Variants in USP31 observed in about 807,000 individuals in gnomAD.
USP31 encodes ubiquitin carboxyl-terminal hydrolase 31.
Under a neutral mutation model 119.4 loss-of-function variants are expected in USP31, and 44 were observed. That is an observed-to-expected ratio of 0.37 (90% CI 0.29 to 0.47). The LOEUF (loss-of-function observed/expected upper bound fraction) is 0.47. Among genes scored for constraint, USP31 ranks in the 20% least tolerant of loss-of-function variants. The pLI is 0.99. For synonymous variants in USP31, 749 were observed against 705.6 expected (o/e 1.06, Z -0.97); for missense variants, 1,643 against 1,730.2 (o/e 0.95, Z 0.89).
At chr16:23,100,647 C>T (rs1481319377) in intron 6 of USP31, among the ~76,000 whole-genome samples, 1 of 152,112 alleles carries the variant, frequency 6.6e-6, no homozygotes, top group African/African-American at 2.4e-5. Flanking sequence ...GTGGCATGCG[C>T]CTGTGATCCC....
intron 5 of USP31, among the ~76,000 whole-genome samples, chr16:23,103,252 T>C (rs1241194279): frequency 6.6e-6 from 1 of 152,166 alleles, no homozygotes; most frequent in Non-Finnish European, 1.5e-5. Context: ...CTTTCTCCCA[T>C]ATCATTTAAT....
chr16:23,128,726 C>T (rs531246585), intron 1 of USP31, among the ~76,000 whole-genome samples: 15 of 152,294 alleles, frequency 9.8e-5, no homozygotes, highest in African/African-American at 3.6e-4. Flanking sequence ...CTTGGCACCA[C>T]AAGAGATAAA....
intron 1 of USP31, among the ~76,000 whole-genome samples, chr16:23,131,428 G>C (rs936894462): frequency 5.9e-5 from 9 of 152,266 alleles, no homozygotes; most frequent in African/African-American, 1.9e-4. Context: ...AAAGTGCTGG[G>C]ATTACTGTCA....
intron 11 of USP31, among the ~76,000 whole-genome samples, chr16:23,082,956 C>T (rs2141842539): frequency 6.6e-6 from 1 of 150,988 alleles, no homozygotes; most frequent in South Asian, 2.1e-4. Flanking sequence ...TCAGCCTCTT[C>T]AGTAGCTGGG....
At chr16:23,119,223 C>A (rs1416084419) in intron 1 of USP31, among the ~76,000 whole-genome samples, 1 of 151,668 alleles carries the variant, frequency 6.6e-6, no homozygotes, top group African/African-American at 2.4e-5. Context: ...CTCAGCCTCC[C>A]AAGCAGCTGG....
In USP31 at chr16:23,064,028, GCTA is replaced by G. The variant is rs1177990558; in HGVS notation, c.*4015_*4017del. 4 of 152,600 alleles carry G rather than the reference GCTA, an allele frequency of 2.6e-5. No homozygotes were observed. Among genetic ancestry groups the G allele is most frequent in the Non-Finnish European group, 4.4e-5 (3 of 68,028 alleles). The allele number at this position is 152,600 out of a possible 1,614,324, so 9.5% of individuals were successfully genotyped here. On this transcript the variant is annotated 3_prime_UTR_variant, in exon 16 of 16. Transcript: ENST00000219689. ...GTTAAAGACAGCCTGCACAGTAACA[GCTA>G]CTTTTTGTGTTCGTTTGTGATAGGT...
Position 23,087,800 on chromosome 16 carries a change from G to A in USP31, c.1451C>T (p.Thr484Ile), listed in dbSNP as rs1901175014. ...CTTCTGCAGAAGGTCCCAAGCTATT[G>A]TCTTCTCTAAGTGCAGCACAAAAGG... ...GLPFVLHLEK[T>I]IAWDLLQKEI... Residue 484 changes from threonine (T) to isoleucine (I), a missense_variant, in exon 8 of 16, where the codon ACA (threonine) becomes ATA (isoleucine). Around this residue, in one of 5 missense-constraint regions of USP31, gnomAD observed 219 missense variants for 226.4 expected, o/e 0.97. Transcript: ENST00000219689. 2 of 1,613,806 alleles carry A rather than the reference G, an allele frequency of 1.2e-6. No individual in the cohort carries two copies. Among genetic ancestry groups the A allele is most frequent in the African/African-American group, 1.3e-5 (1 of 74,910 alleles).
At chr16:23,113,238 C>T (rs1902381174) in intron 1 of USP31, among the ~76,000 whole-genome samples, 1 of 152,102 alleles carries the variant, frequency 6.6e-6, no homozygotes, top group African/African-American at 2.4e-5. Context: ...GAACAAGTTG[C>T]ATTTGAGGTA....
intron 11 of USP31, 152 bp from the exon 12 acceptor site, chr16:23,082,709 GC>G: frequency 9.9e-7 from 1 of 1,006,948 alleles, no homozygotes; most frequent in Non-Finnish European, 1.4e-6. Context: ...ATCAAAAGTA[GC>G]CAGAGCTGGC....
intron 1 of USP31, among the ~76,000 whole-genome samples, chr16:23,148,435 A>C (rs915679105): frequency 6.6e-6 from 1 of 152,260 alleles, no homozygotes; most frequent in Admixed American, 6.5e-5. Flanking sequence ...TTCTCAATAA[A>C]TACATGTTTG....
chr16:23,072,304 T>C, intron 14 of USP31, 107 bp from the exon 15 acceptor site: 2 of 1,459,604 alleles, frequency 1.4e-6, no homozygotes, highest in Non-Finnish European at 1.9e-6. Flanking sequence ...GGGGCGTTGA[T>C]GTCCTCACCC....
chr16:23,115,312 T>TAGA (rs1902454576), intron 1 of USP31, among the ~76,000 whole-genome samples: 1 of 152,224 alleles, frequency 6.6e-6, no homozygotes, highest in Admixed American at 6.5e-5. Context: ...CCTCTGTAAA[T>TAGA]AGAAGCATTG....
chr16:23,133,021 C>A (rs1373002875), intron 1 of USP31, among the ~76,000 whole-genome samples: 1 of 152,166 alleles, frequency 6.6e-6, no homozygotes. Context: ...TAAGTGAATC[C>A]AGCCCAATCC....
intron 12 of USP31, 68 bp from the exon 13 acceptor site, chr16:23,080,239 G>A (rs1024525126): frequency 2.1e-5 from 28 of 1,363,152 alleles, no homozygotes; most frequent in Non-Finnish European, 2.5e-5. Flanking sequence ...CACTTTAGAG[G>A]GGAATGTGGA....
Position 23,068,755 on chromosome 16 carries a change from G to A in USP31, c.3350C>T (p.Ser1117Leu), listed in dbSNP as rs780824875. Residue 1117 changes from serine (S) to leucine (L), a missense_variant, in exon 16 of 16, where the codon TCA becomes TTA. Ser to Leu is a moderately radical substitution (Grantham distance 145, BLOSUM62 -2). Transcript: ENST00000219689. The part of the protein sequence containing the change: ...VSSPSPQKQK[S>L]ASALTYTASS... ...AGCAGTGTAGGTGAGGGCCGAGGCT[G>A]ACTTCTGCTTCTGTGGCGAAGGAGA... The A allele has an allele frequency of 9.4e-6, 15 of 1,588,092 alleles. No homozygotes were observed. Among genetic ancestry groups the A allele is most frequent in the African/African-American group, 1.4e-5 (1 of 73,662 alleles).
At position 23,148,812 on chromosome 16, in the gene USP31, G is replaced by C. The variant is rs1903614150; in HGVS notation, c.459C>G (p.Ala153=). 1.3e-6 allele frequency: 2 copies of C among 1,538,628 alleles called. No homozygotes were observed. The highest frequency in any genetic ancestry group is 1.2e-5 in the South Asian group (1 of 81,994). ...LQCLSNTELF[A]EYLALGQYRA... Reference sequence around the variant, plus strand: ...GGTACTGGCCCAGCGCCAGGTACTCGGCGAAGAGCTCGGTGTTGCTGAGGC... The same window carrying C: ...GGTACTGGCCCAGCGCCAGGTACTCCGCGAAGAGCTCGGTGTTGCTGAGGC... Residue 153 remains alanine (A), a synonymous_variant, in exon 1 of 16, where the codon GCC becomes GCG. Coordinates refer to ENST00000219689, the MANE Select transcript of USP31 (RefSeq NM_020718.4).
At chr16:23,097,014 A>C (rs1434897477) in intron 6 of USP31, among the ~76,000 whole-genome samples, 3 of 152,226 alleles carry the variant, frequency 2.0e-5, no homozygotes, top group Admixed American at 6.5e-5. Context: ...AAAGAGATAG[A>C]GACACAAAAA....
At chr16:23,089,354 C>T (rs1040141127) in intron 7 of USP31, among the ~76,000 whole-genome samples, 5 of 152,076 alleles carry the variant, frequency 3.3e-5, no homozygotes, top group African/African-American at 7.2e-5. Context: ...ATGCCTTCGA[C>T]GTGGTACGGA....
intron 6 of USP31, among the ~76,000 whole-genome samples, chr16:23,094,320 G>C (rs1352385923): frequency 6.6e-6 from 1 of 152,230 alleles, no homozygotes; most frequent in South Asian, 2.1e-4. Flanking sequence ...GCTGAGGCTT[G>C]AGTAGGTAAA....
Sources: gnomAD v4.1 joint callset for allele counts (sites outside exome capture counted in the v4.1 genomes callset) on GRCh38, gnomAD v4.1.1 for gene constraint, gnomAD v4.1.1 regional missense constraint, MANE v1.5 for transcripts, NCBI Gene and HGNC (gene_info 2026-07-23, HGNC 2026-07-21) for gene names.